KIAA1217: variants seen among roughly 807,000 people sequenced by gnomAD.
KIAA1217 encodes sickle tail protein homolog.
In KIAA1217, 88 loss-of-function variants were observed where a neutral mutation model predicts 163.9. The ratio of observed to expected loss-of-function variants is 0.54; its 90% CI spans 0.45 to 0.64. The LOEUF is 0.64. Among genes scored for constraint, KIAA1217 ranks in the 30% least tolerant of loss-of-function variants. The pLI, the probability that KIAA1217 is intolerant of heterozygous loss-of-function variation, is 0.00. For missense variants in KIAA1217, 2,372 were observed against 2,475.0 expected, an observed-to-expected ratio of 0.96 and a Z score of 0.88; for synonymous variants, 903 against 923.1, an observed-to-expected ratio of 0.98 and a Z score of 0.39.
At chr10:24,228,636 A>G (rs920076832) in intron 2 of KIAA1217, among the ~76,000 whole-genome samples, 5 of 152,100 alleles carry the variant, frequency 3.3e-5, no homozygotes, top group African/African-American at 7.2e-5. Context: ...ACGCTCTTAA[A>G]TATATTGGCC....
chr10:24,266,829 C>A (rs1191330554), intron 2 of KIAA1217, among the ~76,000 whole-genome samples: 1 of 152,194 alleles, frequency 6.6e-6, no homozygotes, highest in African/African-American at 2.4e-5. Context: ...GCAACCCGCT[C>A]GGTCCCCTTC....
chr10:24,138,899 G>A (rs1366487243), intron 2 of KIAA1217, among the ~76,000 whole-genome samples: 3 of 152,054 alleles, frequency 2.0e-5, no homozygotes, highest in African/African-American at 7.2e-5. Flanking sequence ...GTGACATTAT[G>A]GTGTAGCTTC....
chr10:24,128,141 C>T (rs999414008), intron 2 of KIAA1217, among the ~76,000 whole-genome samples: 6 of 152,128 alleles, frequency 3.9e-5, no homozygotes, highest in Non-Finnish European at 2.9e-5. Flanking sequence ...ATGATGAGAG[C>T]GGAGACGCTG....
intron 2 of KIAA1217, among the ~76,000 whole-genome samples, chr10:24,078,668 G>C (rs76225932): frequency 2.6e-5 from 4 of 152,108 alleles, no homozygotes; most frequent in Non-Finnish European, 2.9e-5. Context: ...CAGCATTCTT[G>C]TTCCATGAGA....
intron 1 of KIAA1217, among the ~76,000 whole-genome samples, chr10:23,900,548 C>A (rs1046187040): frequency 6.6e-6 from 1 of 152,110 alleles, no homozygotes. Context: ...TATAAAAGAA[C>A]TTCCTTTCAC....
intron 1 of KIAA1217, among the ~76,000 whole-genome samples, chr10:23,803,335 T>C (rs924669048): frequency 1.3e-5 from 2 of 152,124 alleles, no homozygotes; most frequent in African/African-American, 4.8e-5. Flanking sequence ...CATGACTGAG[T>C]CCATCCCTGA....
At chr10:23,782,238 A>G (rs1390228327) in intron 1 of KIAA1217, among the ~76,000 whole-genome samples, 1 of 151,972 alleles carries the variant, frequency 6.6e-6, no homozygotes, top group Non-Finnish European at 1.5e-5. Context: ...ATTTTCTTTC[A>G]TTAGTCATTT....
At chr10:24,077,496 G>A (rs1202109898) in intron 2 of KIAA1217, among the ~76,000 whole-genome samples, 2 of 152,182 alleles carry the variant, frequency 1.3e-5, no homozygotes, top group Non-Finnish European at 2.9e-5. Context: ...CTATGTCCCT[G>A]CAAAGGACAT....
chr10:24,026,655 C>G (rs957311300), intron 2 of KIAA1217, among the ~76,000 whole-genome samples: 2 of 147,000 alleles, frequency 1.4e-5, no homozygotes, highest in South Asian at 4.3e-4. Context: ...TGGCTTGAGT[C>G]TTATACATTG....
At chr10:24,095,834 G>T (rs1025802292) in intron 2 of KIAA1217, among the ~76,000 whole-genome samples, 2 of 152,182 alleles carry the variant, frequency 1.3e-5, no homozygotes, top group African/African-American at 4.8e-5. Context: ...CACCTGGCGT[G>T]GTGGTTCAAG....
At chr10:24,391,314 C>T (rs2054907551) in intron 3 of KIAA1217, among the ~76,000 whole-genome samples, 1 of 140,748 alleles carries the variant, frequency 7.1e-6, no homozygotes, top group Non-Finnish European at 1.5e-5. Flanking sequence ...TTTAGGTTCT[C>T]CTGTTTCTTT....
intron 2 of KIAA1217, among the ~76,000 whole-genome samples, chr10:24,196,524 G>T (rs748876000): frequency 1.3e-5 from 2 of 152,206 alleles, no homozygotes; most frequent in Admixed American, 6.5e-5. Flanking sequence ...TTAGGGAGAA[G>T]AAATCCAAGA....
At chr10:24,027,904 C>T (rs1309385171) in intron 2 of KIAA1217, among the ~76,000 whole-genome samples, 1 of 152,006 alleles carries the variant, frequency 6.6e-6, no homozygotes, top group Non-Finnish European at 1.5e-5. Context: ...GAATAGATTG[C>T]CTGAGTTTCA....
intron 2 of KIAA1217, among the ~76,000 whole-genome samples, chr10:24,022,649 C>G (rs1326999998): frequency 6.6e-6 from 1 of 151,666 alleles, no homozygotes; most frequent in African/African-American, 2.4e-5. Context: ...TCTACACAAA[C>G]ACCCACAAAT....
chr10:24,075,132 ACACACACAC>A (rs1208866228), intron 2 of KIAA1217, among the ~76,000 whole-genome samples: 19 of 135,544 alleles, frequency 1.4e-4, no homozygotes, highest in African/African-American at 6.3e-4. Flanking sequence ...ACACACACAC[ACACACACAC>A]ACACACACAC....
At chr10:24,088,256 C>CATACATATATATATATATAT (rs1554861322) in intron 2 of KIAA1217, among the ~76,000 whole-genome samples, 2 of 95,852 alleles carry the variant, frequency 2.1e-5, no homozygotes, top group African/African-American at 6.7e-5. Context: ...TTTTAATATA[C>CATACATATATATATATATAT]ATATATATAT....
chr10:23,729,542 A>G (rs2130784286), intron 1 of KIAA1217, among the ~76,000 whole-genome samples: 2 of 152,306 alleles, frequency 1.3e-5, no homozygotes, highest in East Asian at 3.9e-4. Flanking sequence ...CATTTATCTG[A>G]GGACATATCA....
Position 24,543,809 on chromosome 10 carries a change from C to T in KIAA1217, c.4539C>T (p.Thr1513=), listed in dbSNP as rs79368580. 1.1e-3 allele frequency: 1,826 copies of T among 1,613,832 alleles called. 23 individuals carry two copies. The African/African-American group carries it at 0.021, about 18-fold the overall frequency. ...AGGTGGCCCCAGGCAATCTTAGAAC[C>T]GGACAACAGGTGGAAACAAAGTCAC... ...HKKVAPGNLR[T]GQQVETKSQP... Residue 1513 remains threonine, a synonymous_variant, in exon 19 of 21, where the codon ACC becomes ACT. Transcript: ENST00000376454.
chr10:24,167,196 T>TG (rs113192215), intron 2 of KIAA1217, among the ~76,000 whole-genome samples: 110,259 of 151,384 alleles, frequency 0.73, 40,430 homozygotes, highest in Middle Eastern at 0.79. Context: ...TCTCTCCTTT[T>TG]CAAATTCCTT....
Sources: allele counts gnomAD v4.1 joint callset (sites outside exome capture counted in the v4.1 genomes callset), GRCh38; gene constraint gnomAD v4.1.1; transcripts MANE v1.5; gene names NCBI Gene and HGNC (gene_info 2026-07-23, HGNC 2026-07-21).